Variants in PPM1B observed in about 807,000 individuals in gnomAD.
PPM1B encodes protein phosphatase 1B.
In PPM1B, 22 loss-of-function variants were observed where a neutral mutation model predicts 43.0. The observed-to-expected ratio is 0.51, with a 90% CI of 0.37 to 0.73. PPM1B has a LOEUF of 0.73. Among genes scored for constraint, PPM1B ranks in the 30% least tolerant of loss-of-function variants. The pLI, the probability that PPM1B is intolerant of heterozygous loss-of-function variation, is 0.00. For missense variants in PPM1B, 632 were observed against 584.2 expected, an observed-to-expected ratio of 1.08 and a Z score of -0.84; for synonymous variants, 217 against 197.9, an observed-to-expected ratio of 1.10 and a Z score of -0.81.
At position 44,192,049 on chromosome 2, in the gene PPM1B, C is replaced by G. The variant is rs148103446; in HGVS notation, c.-14-9137C>G. On this transcript the variant is annotated intron_variant, in intron 1 of 5. Transcript: ENST00000282412. ...AGTTTTATTCTTTACTACTTTGAGTCTGTTTGGTTTTTGTGAAGGGGAGGG... is the reference window on the plus strand; with the variant it reads ...AGTTTTATTCTTTACTACTTTGAGTGTGTTTGGTTTTTGTGAAGGGGAGGG... Among the ~76,000 whole-genome samples the G allele has an allele frequency of 1.6e-3, 226 of 145,648 alleles. 2 individuals carry two copies. The highest frequency in any genetic ancestry group is 5.3e-3 in the African/African-American group (211 of 39,778).
chr2:44,208,773 T>A (rs1056578599), intron 2 of PPM1B, among the ~76,000 whole-genome samples: 3 of 152,230 alleles, frequency 2.0e-5, no homozygotes, highest in Non-Finnish European at 4.4e-5. Flanking sequence ...GAATAACAAT[T>A]TTCAGCTATG....
downstream of PPM1B, among the ~76,000 whole-genome samples, chr2:44,232,149 C>T (rs1251154398): frequency 1.3e-5 from 2 of 152,150 alleles, no homozygotes; most frequent in East Asian, 1.9e-4. Context: ...ATTAGATACA[C>T]GTGTACACAC....
chr2:44,191,857 TA>T (rs1668418330), intron 1 of PPM1B, among the ~76,000 whole-genome samples: 1 of 152,184 alleles, frequency 6.6e-6, no homozygotes, highest in Admixed American at 6.5e-5. Flanking sequence ...TGTTAGGTTT[TA>T]TCTTTATCAC....
At chr2:44,237,611 A>G (rs530920049), downstream of PPM1B, among the ~76,000 whole-genome samples, 2 of 152,366 alleles carry the variant, frequency 1.3e-5, no homozygotes, top group South Asian at 4.1e-4. Context: ...GAAAGGTAGA[A>G]TGAAAGACTG....
chr2:44,185,926 G>A (rs192627207), intron 1 of PPM1B, among the ~76,000 whole-genome samples: 2 of 152,180 alleles, frequency 1.3e-5, no homozygotes, highest in Non-Finnish European at 2.9e-5. Context: ...AATTGATTTG[G>A]AAGAGGGGAG....
At chr2:44,176,102 T>C (rs1449643906) in intron 1 of PPM1B, among the ~76,000 whole-genome samples, 1 of 152,110 alleles carries the variant, frequency 6.6e-6, no homozygotes, top group African/African-American at 2.4e-5. Context: ...GATTAAAAGA[T>C]GACCCAAAGA....
chr2:44,232,757 T>G (rs1368006572), downstream of PPM1B: 2 of 989,986 alleles, frequency 2.0e-6, no homozygotes, highest in South Asian at 4.7e-5. Flanking sequence ...TTGTATGATA[T>G]GTTCCTTTTT....
intron 1 of PPM1B, among the ~76,000 whole-genome samples, chr2:44,177,575 C>G (rs1008916713): frequency 3.3e-5 from 5 of 151,812 alleles, no homozygotes; most frequent in Admixed American, 1.3e-4. Context: ...CGTGCCACCA[C>G]GCTCAGCTAA....
At chr2:44,196,344 G>A (rs565559719) in intron 1 of PPM1B, among the ~76,000 whole-genome samples, 8 of 152,184 alleles carry the variant, frequency 5.3e-5, no homozygotes, top group Non-Finnish European at 7.4e-5. Context: ...TTTCTCTAAT[G>A]CTTTTCTTAT....
At chr2:44,245,472 G>T (rs1670838520), downstream of PPM1B, among the ~76,000 whole-genome samples, 1 of 152,116 alleles carries the variant, frequency 6.6e-6, no homozygotes, top group Non-Finnish European at 1.5e-5. Flanking sequence ...GTATTTAAAA[G>T]CTCCTGGAAC....
At chr2:44,203,472 A>AT (rs973659974) in intron 2 of PPM1B, among the ~76,000 whole-genome samples, 1 of 100,098 alleles carries the variant, frequency 1.0e-5, no homozygotes, top group Admixed American at 1.3e-4. Flanking sequence ...TTCCCCAATT[A>AT]TAAAAAAAAG....
intron 2 of PPM1B, among the ~76,000 whole-genome samples, chr2:44,203,435 G>T (rs1448158428): frequency 3.3e-5 from 5 of 151,428 alleles, no homozygotes; most frequent in Non-Finnish European, 5.9e-5. Context: ...TATGTTTGTT[G>T]CCTGACTAGC....
In PPM1B at chr2:44,230,588, C is replaced by T. The variant is rs777025847; in HGVS notation, c.1310C>T (p.Thr437Ile). The T allele has an allele frequency of 6.2e-7, 1 of 1,614,162 alleles. No individual in the cohort carries two copies. ...ESPAEPAATA[T>I]SSNSDAGNPV... ...CCTGCTGAACCAGCTGCCACAGCTA[C>T]TTCTTCGAACAGTGATGCTGGAAAC... The change falls in exon 6 of 6, where the codon ACT becomes ATT. Residue 437 changes from threonine (T) to isoleucine (I), a missense_variant. Coordinates refer to ENST00000282412, the MANE Select transcript of PPM1B (RefSeq NM_002706.6).
chr2:44,178,180 A>G (rs758886450), intron 1 of PPM1B, among the ~76,000 whole-genome samples: 7 of 151,898 alleles, frequency 4.6e-5, no homozygotes, highest in Non-Finnish European at 2.9e-5. Context: ...TTGGCCTCCT[A>G]AAGTGTTGTG....
chr2:44,195,783 T>G (rs1333079072), intron 1 of PPM1B, among the ~76,000 whole-genome samples: 1 of 152,200 alleles, frequency 6.6e-6, no homozygotes, highest in Non-Finnish European at 1.5e-5. Context: ...GTGACTTTCT[T>G]GTAACCAATA....
chr2:44,218,904 G>T, intron 5 of PPM1B: 1 of 464,050 alleles, frequency 2.2e-6, no homozygotes, highest in Non-Finnish European at 4.3e-6. Context: ...GCCATCACCA[G>T]AAGTTAGTGA....
rs1298660828 is a variant in PPM1B at position 44,192,165 on chromosome 2, TTTATG to T, written c.-14-9000_-14-8996del. Among the ~76,000 whole-genome samples the T allele has an allele frequency of 3.7e-3, 507 of 135,744 alleles. 2 individuals carry two copies. The highest frequency in any genetic ancestry group is 0.013 in the African/African-American group (467 of 35,726). 89.1% of individuals were successfully genotyped at this position (135,744 alleles called of 152,430 possible). A position where few individuals can be genotyped will look rare whatever the true frequency, so the allele number is the denominator to read the frequency against. The stretch of plus-strand genomic sequence containing the variant: ...TTTCTGTCATTTTAATTATTTTTAT[TTTATG>T]TTATGTTATGTTATGTTATGGTATT... On this transcript the variant is annotated intron_variant, in intron 1 of 5. Transcript: ENST00000282412.
At chr2:44,226,963 TATTTATTTATGA>T (rs1249244692) in intron 5 of PPM1B, among the ~76,000 whole-genome samples, 7 of 142,154 alleles carry the variant, frequency 4.9e-5, no homozygotes, top group African/African-American at 7.6e-5. Flanking sequence ...TTTATTTATT[TATTTATTTATGA>T]ATGAATGAAT....
At chr2:44,225,188 ATAT>A (rs757970135) in intron 5 of PPM1B, among the ~76,000 whole-genome samples, 15 of 152,252 alleles carry the variant, frequency 9.9e-5, no homozygotes, top group African/African-American at 1.7e-4. Flanking sequence ...CTTAGCACAA[ATAT>A]TATTTTTCCT....
Sources: allele counts gnomAD v4.1 joint callset (sites outside exome capture counted in the v4.1 genomes callset), GRCh38; gene constraint gnomAD v4.1.1; transcripts MANE v1.5; gene names NCBI Gene and HGNC (gene_info 2026-07-23, HGNC 2026-07-21).